RALYL: variants seen among roughly 807,000 people sequenced by gnomAD.
RALYL encodes the protein RALY RNA binding protein like, also known as RNA-binding Raly-like protein.
RALYL carries 29 observed loss-of-function variants against 35.1 expected under a neutral mutation model. The observed-to-expected ratio is 0.83, with a 90% CI of 0.61 to 1.13. RALYL has a LOEUF of 1.13. Among genes scored for constraint, RALYL ranks in the 50% most tolerant of loss-of-function variants. The pLI is 0.00. For synonymous variants in RALYL, 120 were observed against 127.6 expected (o/e 0.94, Z 0.40); for missense variants, 359 against 360.4 (o/e 1.00, Z 0.03).
intron 1 of RALYL, among the ~76,000 whole-genome samples, chr8:84,262,670 A>G (rs564889884): frequency 6.6e-6 from 1 of 152,306 alleles, no homozygotes; most frequent in South Asian, 2.1e-4. Flanking sequence ...AATTATATAG[A>G]ATATTCTGCA....
At chr8:84,378,733 G>A (rs1292341513) in intron 1 of RALYL, among the ~76,000 whole-genome samples, 1 of 151,694 alleles carries the variant, frequency 6.6e-6, no homozygotes, top group Non-Finnish European at 1.5e-5. Flanking sequence ...TTCTGTCCTT[G>A]AGACACTTCA....
At position 84,194,101 on chromosome 8, in the gene RALYL, A is replaced by G. The variant is rs140825645; in HGVS notation, c.-24+9677A>G. On this transcript the variant is annotated intron_variant, in intron 1 of 8. Transcript: ENST00000521268. Reference sequence around the variant, plus strand: ...TATTTCTAGCGTTTGACAGTGGAACATCGTCAAATGGTGAATAAATTTTAG... The same window carrying G: ...TATTTCTAGCGTTTGACAGTGGAACGTCGTCAAATGGTGAATAAATTTTAG... 1.6e-4 allele frequency among the ~76,000 whole-genome samples: 24 copies of G among 152,370 alleles called. No homozygotes were observed. The East Asian group carries it at 4.4e-3, about 28-fold the overall frequency.
intron 4 of RALYL, among the ~76,000 whole-genome samples, chr8:84,842,558 A>G (rs932545547): frequency 6.6e-6 from 1 of 152,240 alleles, no homozygotes; most frequent in East Asian, 1.9e-4. Flanking sequence ...AGCTAGTACC[A>G]TTCCTTCTGA....
intron 1 of RALYL, among the ~76,000 whole-genome samples, chr8:84,430,369 A>C (rs1365898733): frequency 6.6e-6 from 1 of 152,172 alleles, no homozygotes; most frequent in African/African-American, 2.4e-5. Flanking sequence ...TCTTTGGGGA[A>C]TATTCATTGC....
chr8:84,866,382 T>C (rs1178580899), intron 6 of RALYL, among the ~76,000 whole-genome samples: 1 of 152,152 alleles, frequency 6.6e-6, no homozygotes, highest in Non-Finnish European at 1.5e-5. Flanking sequence ...TATCCAATAG[T>C]TATTGTAAGA....
intron 1 of RALYL, among the ~76,000 whole-genome samples, chr8:84,528,309 C>A (rs2059046875): frequency 6.7e-6 from 1 of 149,876 alleles, no homozygotes; most frequent in African/African-American, 2.5e-5. Context: ...TGATGCATGA[C>A]AAAAAATGGG....
At chr8:84,628,696 G>C (rs1823277873) in intron 2 of RALYL, among the ~76,000 whole-genome samples, 1 of 152,050 alleles carries the variant, frequency 6.6e-6, no homozygotes, top group South Asian at 2.1e-4. Context: ...GGGTGCTGCT[G>C]AAGGAAACAC....
intron 2 of RALYL, among the ~76,000 whole-genome samples, chr8:84,681,931 A>T (rs2131995849): frequency 6.6e-6 from 1 of 152,272 alleles, no homozygotes. Flanking sequence ...TTTCAAAGGG[A>T]ATGCTTACAG....
chr8:84,284,529 C>A (rs978721196), intron 1 of RALYL, among the ~76,000 whole-genome samples: 11 of 152,244 alleles, frequency 7.2e-5, no homozygotes, highest in Middle Eastern at 3.4e-3. Flanking sequence ...ACATAAGGAC[C>A]AGTTATGTAG....
chr8:84,629,480 A>G (rs1823466807), intron 2 of RALYL, among the ~76,000 whole-genome samples: 1 of 152,084 alleles, frequency 6.6e-6, no homozygotes, highest in African/African-American at 2.4e-5. Context: ...CTTCTATAAT[A>G]ATAGTGAATA....
At chr8:84,189,344 A>G (rs1813306362) in intron 1 of RALYL, among the ~76,000 whole-genome samples, 1 of 152,212 alleles carries the variant, frequency 6.6e-6, no homozygotes, top group South Asian at 2.1e-4. Context: ...GTGGGAATTG[A>G]TTGCATTCAT....
chr8:84,209,913 T>C (rs1199193766), intron 1 of RALYL, among the ~76,000 whole-genome samples: 14 of 152,202 alleles, frequency 9.2e-5, no homozygotes, highest in Admixed American at 7.2e-4. Context: ...ACTGCTTCTA[T>C]GTATTTTTCA....
At chr8:84,261,327 T>G (rs1012112673) in intron 1 of RALYL, among the ~76,000 whole-genome samples, 16 of 152,186 alleles carry the variant, frequency 1.1e-4, no homozygotes, top group Admixed American at 3.3e-4. Context: ...TCCCCACGTG[T>G]GGTGGAAGGG....
chr8:84,677,611 A>G (rs1834475165), intron 2 of RALYL, among the ~76,000 whole-genome samples: 1 of 152,220 alleles, frequency 6.6e-6, no homozygotes, highest in African/African-American at 2.4e-5. Flanking sequence ...CTGGAAATAG[A>G]AAAGAATAAA....
At position 84,461,778 on chromosome 8, in the gene RALYL, G is replaced by A. The variant is rs191162063; in HGVS notation, c.-23-67521G>A. On this transcript the variant is annotated intron_variant, in intron 1 of 8. Coordinates refer to ENST00000521268, the MANE Select transcript of RALYL (RefSeq NM_173848.7). ...GCCTTCAATTGAATGGTAGAAATGTGGAAACATCTAAGCAGTAAGATTACA... is the reference window on the plus strand; with the variant it reads ...GCCTTCAATTGAATGGTAGAAATGTAGAAACATCTAAGCAGTAAGATTACA... Among the ~76,000 whole-genome samples, 436 of 151,718 alleles carry A rather than the reference G, an allele frequency of 2.9e-3. 4 individuals carry two copies. The highest frequency in any genetic ancestry group is 9.9e-3 in the African/African-American group (410 of 41,482).
intron 8 of RALYL, among the ~76,000 whole-genome samples, chr8:84,896,951 T>C (rs927520194): frequency 5.9e-5 from 9 of 152,202 alleles, no homozygotes; most frequent in East Asian, 1.9e-4. Flanking sequence ...GATTTTCTAA[T>C]ATAATCATGT....
chr8:84,524,772 C>G (rs1279776541), intron 1 of RALYL, among the ~76,000 whole-genome samples: 1 of 152,012 alleles, frequency 6.6e-6, no homozygotes, highest in Non-Finnish European at 1.5e-5. Flanking sequence ...CATTTACCAC[C>G]TCAGCCTGAT....
intron 6 of RALYL, among the ~76,000 whole-genome samples, chr8:84,870,439 G>A (rs972842374): frequency 6.6e-6 from 1 of 151,364 alleles, no homozygotes; most frequent in East Asian, 1.9e-4. Flanking sequence ...TGTATTTTTA[G>A]TAGAGACGGG....
At chr8:84,461,036 T>C (rs998150682) in intron 1 of RALYL, among the ~76,000 whole-genome samples, 1 of 151,674 alleles carries the variant, frequency 6.6e-6, no homozygotes, top group Non-Finnish European at 1.5e-5. Context: ...ATTTTTATTC[T>C]TTGCATTTTG....
Sources: gnomAD v4.1 joint callset for allele counts (sites outside exome capture counted in the v4.1 genomes callset) on GRCh38, gnomAD v4.1.1 for gene constraint, MANE v1.5 for transcripts, NCBI Gene and HGNC (gene_info 2026-07-23, HGNC 2026-07-21) for gene names.